HDGFL3: variants seen among roughly 807,000 people sequenced by gnomAD.
HDGFL3 encodes the protein hepatoma-derived growth factor-related protein 3.
A neutral mutation model predicts 27.6 loss-of-function variants in HDGFL3; 6 were observed. The observed-to-expected ratio is 0.22, with a 90% CI of 0.12 to 0.43. The LOEUF is 0.43. Ranked by LOEUF, HDGFL3 falls within the 20% of genes least tolerant of loss-of-function variation. The pLI is 1.00. For synonymous variants in HDGFL3, 88 were observed against 88.9 expected (o/e 0.99, Z 0.05); for missense variants, 207 against 250.1 (o/e 0.83, Z 1.16).
At chr15:83,177,436 G>GT (rs1391180159) in intron 1 of HDGFL3, among the ~76,000 whole-genome samples, 1 of 152,136 alleles carries the variant, frequency 6.6e-6, no homozygotes. Flanking sequence ...AAGGTCCACT[G>GT]TTAAGCTAGT....
rs1353719952 is a variant in HDGFL3, at chr15:83,138,273, A to C, written c.*997T>G. ...TCAACTACAAACCGTGAATACGCGA[A>C]AGATGTTCCAAGGACAAGCATTAAC... is the stretch of plus-strand genomic sequence containing the variant. On this transcript the variant is annotated 3_prime_UTR_variant, in exon 6 of 6. Transcript: ENST00000299633. The C allele has an allele frequency of 6.6e-6, 1 of 152,608 alleles. No homozygotes were observed. The highest frequency in any genetic ancestry group is 1.5e-5 in the Non-Finnish European group (1 of 68,022). 9.5% of individuals were successfully genotyped at this position (152,608 alleles called of 1,614,324 possible).
chr15:83,176,311 T>G (rs2037309745), intron 1 of HDGFL3, among the ~76,000 whole-genome samples: 1 of 152,216 alleles, frequency 6.6e-6, no homozygotes, highest in Non-Finnish European at 1.5e-5. Context: ...CTGTTTTTAA[T>G]TGGTTTATAG....
chr15:83,115,601 T>C, exon 4 of HDGFL3: 3 of 642,874 alleles, frequency 4.7e-6, no homozygotes, highest in South Asian at 4.6e-5. Flanking sequence ...TGACCATCAT[T>C]CTCCACTCCT....
intron 1 of HDGFL3, among the ~76,000 whole-genome samples, chr15:83,185,521 G>T (rs1017662104): frequency 6.6e-6 from 1 of 152,198 alleles, no homozygotes; most frequent in Non-Finnish European, 1.5e-5. Context: ...ATCAGCTAGA[G>T]ACTGTGTGAG....
intron 5 of HDGFL3, among the ~76,000 whole-genome samples, chr15:83,140,575 C>T (rs1228896356): frequency 6.6e-6 from 1 of 151,516 alleles, no homozygotes. Flanking sequence ...TCCACCTCCC[C>T]GGTTCAAGTG....
Position 83,138,478 on chromosome 15 carries a change from C to T in HDGFL3, c.*792G>A, listed in dbSNP as rs2036699879. On this transcript the variant is annotated 3_prime_UTR_variant, in exon 6 of 6. Transcript: ENST00000299633. ...GAAAACAGTTTATTTTAAAAGTCTA[C>T]ATTTAAAAGTCAATGCTTTGTCTGG... 1 of 152,524 alleles carries T rather than the reference C, an allele frequency of 6.6e-6. No homozygotes were observed. Among genetic ancestry groups the T allele is most frequent in the African/African-American group, 2.4e-5 (1 of 41,458 alleles). The allele number at this position is 152,524 out of a possible 1,614,324, so 9.4% of individuals were successfully genotyped here.
intron 5 of HDGFL3, chr15:83,144,653 G>T: frequency 2.5e-6 from 1 of 394,356 alleles, no homozygotes; most frequent in South Asian, 1.9e-5. Flanking sequence ...ATCCTGCCAG[G>T]AACAATTTGA....
chr15:83,151,373 G>T lies in HDGFL3; in HGVS notation c.460-12C>A. 1.9e-6 allele frequency: 3 copies of T among 1,597,230 alleles called. No homozygotes were observed. The highest frequency in any genetic ancestry group is 1.1e-5 in the South Asian group (1 of 87,712). The stretch of plus-strand genomic sequence containing the variant: ...TGTTTAGAGGATTTCTAAATGTTTA[G>T]ACAAGTTAAATATTATAGTCAAAAG... On this transcript the variant is annotated splice_polypyrimidine_tract_variant and intron_variant, in intron 4 of 5. Transcript: ENST00000299633.
At chr15:83,121,734 G>A (rs1007424501) in intron 3 of HDGFL3, among the ~76,000 whole-genome samples, 9 of 152,178 alleles carry the variant, frequency 5.9e-5, no homozygotes, top group African/African-American at 2.2e-4. Flanking sequence ...AGGTTCTATA[G>A]TATATCACAT....
chr15:83,119,910 G>C, intron 3 of HDGFL3: 1 of 457,582 alleles, frequency 2.2e-6, no homozygotes, highest in East Asian at 3.4e-5. Context: ...GACCCTTTAA[G>C]CTTTCTGATT....
chr15:83,136,272 T>G lies in HDGFL3; in HGVS notation c.*2998A>C, dbSNP rs1242338408. 2 of 424,702 alleles carry G rather than the reference T, an allele frequency of 4.7e-6. No homozygotes were observed. Among genetic ancestry groups the G allele is most frequent in the Non-Finnish European group, 8.3e-6 (2 of 240,778 alleles). 26.3% of individuals were successfully genotyped at this position (424,702 alleles called of 1,614,324 possible). Reference sequence around the variant, plus strand: ...TATCTACTTTATTTGAACAGTCATATCAAGAATGGCCCTAAATTTAATCAA... The same window carrying G: ...TATCTACTTTATTTGAACAGTCATAGCAAGAATGGCCCTAAATTTAATCAA... On this transcript the variant is annotated 3_prime_UTR_variant, in exon 6 of 6. Transcript: ENST00000299633.
intron 1 of HDGFL3, among the ~76,000 whole-genome samples, chr15:83,177,404 A>T (rs934582466): frequency 2.0e-5 from 3 of 152,242 alleles, no homozygotes; most frequent in Non-Finnish European, 4.4e-5. Flanking sequence ...AGACGCAAAT[A>T]ACATTTTTGA....
chr15:83,181,261 G>A (rs542046151), intron 1 of HDGFL3, among the ~76,000 whole-genome samples: 4 of 152,288 alleles, frequency 2.6e-5, no homozygotes, highest in Non-Finnish European at 5.9e-5. Flanking sequence ...GTATAAAGGG[G>A]ATGGGCCAGA....
intron 1 of HDGFL3, among the ~76,000 whole-genome samples, chr15:83,168,306 T>C (rs1295227511): frequency 7.2e-6 from 1 of 139,530 alleles, no homozygotes; most frequent in Admixed American, 7.1e-5. Flanking sequence ...AATACCAAAA[T>C]CAGAGTGGAA....
At chr15:83,113,732 G>C (rs1296072506) in exon 4 of HDGFL3, 1 of 152,694 alleles carries the variant, frequency 6.5e-6, no homozygotes, top group Non-Finnish European at 1.5e-5. Flanking sequence ...TGGACCAGCA[G>C]CTCCCAGGCA....
At chr15:83,174,848 T>C (rs763112750) in intron 1 of HDGFL3, among the ~76,000 whole-genome samples, 3 of 152,254 alleles carry the variant, frequency 2.0e-5, no homozygotes, top group Non-Finnish European at 4.4e-5. Flanking sequence ...TCCTCTGCTA[T>C]ATAACTAATA....
At chr15:83,199,671 C>G (rs1004928431) in intron 1 of HDGFL3, among the ~76,000 whole-genome samples, 1 of 152,142 alleles carries the variant, frequency 6.6e-6, no homozygotes, top group African/African-American at 2.4e-5. Context: ...ATAGTTTATT[C>G]TTAGACCCTT....
At chr15:83,159,887 C>G (rs767450466) in intron 2 of HDGFL3, among the ~76,000 whole-genome samples, 8 of 152,098 alleles carry the variant, frequency 5.3e-5, no homozygotes, top group Non-Finnish European at 7.4e-5. Flanking sequence ...ACTATAAAGG[C>G]TTTGAGTGAG....
chr15:83,115,381 G>A (rs1041937338), exon 4 of HDGFL3: 3 of 305,636 alleles, frequency 9.8e-6, no homozygotes, highest in Admixed American at 9.0e-5. Context: ...GCCTCCCAAA[G>A]TGCTGGGATT....
Sources: gnomAD v4.1 joint callset for allele counts (sites outside exome capture counted in the v4.1 genomes callset) on GRCh38, gnomAD v4.1.1 for gene constraint, MANE v1.5 for transcripts, NCBI Gene and HGNC (gene_info 2026-07-23, HGNC 2026-07-21) for gene names.